CNDP2: variants seen among roughly 807,000 people sequenced by gnomAD.
CNDP2 encodes the protein carnosine dipeptidase 2.
CNDP2 carries 38 observed loss-of-function variants against 55.0 expected under a neutral mutation model. The observed-to-expected ratio is 0.69, with a 90% CI of 0.53 to 0.90. The LOEUF (loss-of-function observed/expected upper bound fraction) is 0.90. Among genes scored for constraint, CNDP2 ranks in the 40% least tolerant of loss-of-function variants. The probability of loss-of-function intolerance (pLI) is 0.00; values close to 1 mark genes in which losing one functional copy is unlikely to be tolerated. For synonymous variants in CNDP2, 241 were observed against 260.2 expected, an observed-to-expected ratio of 0.93 and a Z score of 0.71; for missense variants, 607 against 621.7, an observed-to-expected ratio of 0.98 and a Z score of 0.25.
intron 4 of CNDP2, 155 bp from the exon 5 acceptor site, chr18:74,508,685 C>T (rs1488931080): frequency 3.0e-5 from 18 of 604,362 alleles, no homozygotes; most frequent in Admixed American, 1.7e-4. Context: ...ACAAATTTAA[C>T]GATAGTGTTG....
In CNDP2 at chr18:74,512,527, T is replaced by G; in HGVS notation, c.737T>G (p.Leu246Arg). 6.2e-7 allele frequency: 1 copy of G among 1,613,828 alleles called. No individual in the cohort carries two copies. Among genetic ancestry groups the G allele is most frequent in the Non-Finnish European group, 8.5e-7 (1 of 1,179,826 alleles). The change falls in exon 7 of 12, where the codon CTG (leucine) becomes CGG (arginine). Residue 246 changes from leucine to arginine, a missense_variant. Transcript: ENST00000324262. Reference sequence around the variant, plus strand: ...GAGGCCATGACTGATCTCATTTTGCTGATGGGTAAGTGCGGGATGGCATTC... The same window carrying G: ...GAGGCCATGACTGATCTCATTTTGCGGATGGGTAAGTGCGGGATGGCATTC... ...VHEAMTDLIL[L>R]MGSLVDKRGN...
intron 8 of CNDP2, 91 bp from the exon 9 acceptor site, chr18:74,516,137 A>G (rs1979650367): frequency 1.4e-6 from 2 of 1,411,340 alleles, no homozygotes; most frequent in African/African-American, 1.4e-5. Context: ...CATACCGCTC[A>G]TTTCCCAGAC....
intron 11 of CNDP2, 34 bp from the exon 12 acceptor site, chr18:74,519,965 C>CCAGCACAACACACGA (rs1241505844): frequency 6.3e-7 from 1 of 1,596,586 alleles, no homozygotes; most frequent in Non-Finnish European, 8.6e-7. Context: ...GCTCACGACA[C>CCAGCACAACACACGA]CAGCCAACAC....
chr18:74,513,531 T>A, intron 7 of CNDP2, 28 bp from the exon 8 acceptor site: 1 of 1,596,330 alleles, frequency 6.3e-7, no homozygotes, highest in Non-Finnish European at 8.5e-7. Flanking sequence ...CTCCCCTGAG[T>A]GCTGTAACCC....
chr18:74,503,076 T>TTTTG (rs1555703167), intron 3 of CNDP2, among the ~76,000 whole-genome samples: 2 of 121,588 alleles, frequency 1.6e-5, no homozygotes, highest in African/African-American at 4.2e-5. Context: ...CCCTTTCGTT[T>TTTTG]TTTTTTTTTT....
intron 8 of CNDP2, among the ~76,000 whole-genome samples, chr18:74,514,509 ACG>A (rs1979542731): frequency 7.7e-5 from 11 of 142,084 alleles, no homozygotes; most frequent in Admixed American, 1.4e-4. Context: ...CTGTGGGCTT[ACG>A]TGGTACGTAT....
At chr18:74,505,727 T>A (rs549971197) in intron 3 of CNDP2, 122 bp from the exon 4 acceptor site, 1 of 1,078,120 alleles carries the variant, frequency 9.3e-7, no homozygotes, top group Non-Finnish European at 1.3e-6. Flanking sequence ...TCTTAAACTC[T>A]ACAATAGAGG....
intron 7 of CNDP2, 73 bp downstream of exon 7, chr18:74,512,605 C>G: frequency 7.6e-7 from 1 of 1,316,588 alleles, no homozygotes; most frequent in South Asian, 1.2e-5. Flanking sequence ...TGTCTGTCAT[C>G]AGCATTGGGT....
At chr18:74,518,270 TAAAAAA>T in intron 9 of CNDP2, 1 of 396,254 alleles carries the variant, frequency 2.5e-6, no homozygotes, top group Non-Finnish European at 4.6e-6. Context: ...TCAGAAAAAA[TAAAAAA>T]TAAAAAAAGA....
At chr18:74,503,948 G>C (rs1978860309) in intron 3 of CNDP2, among the ~76,000 whole-genome samples, 2 of 151,536 alleles carry the variant, frequency 1.3e-5, no homozygotes, top group African/African-American at 4.8e-5. Flanking sequence ...GGGGCGTCAG[G>C]CCATACACTG....
chr18:74,499,628 C>A, intron 1 of CNDP2: 1 of 269,964 alleles, frequency 3.7e-6, no homozygotes, highest in South Asian at 1.2e-4. Context: ...CTAAAAGTGC[C>A]TACTTTTAGT....
At position 74,496,422 on chromosome 18, in the gene CNDP2, T is replaced by G. The variant is rs1403254254; in HGVS notation, c.-102T>G. ...TAACAGGGCCTTGCCTAGTGGGCCT[T>G]CCTTCCCAGGTGGGTCTTCCTGATG... On this transcript the variant is annotated 5_prime_UTR_variant, in exon 1 of 12. Transcript: ENST00000324262. 5 of 152,322 alleles carry G rather than the reference T, an allele frequency of 3.3e-5. No homozygotes were observed. The highest frequency in any genetic ancestry group is 5.9e-5 in the Non-Finnish European group (4 of 68,166). The allele number at this position is 152,322 out of a possible 1,614,324, so 9.4% of individuals were successfully genotyped here.
At chr18:74,501,576 C>G in intron 3 of CNDP2, 104 bp downstream of exon 3, 1 of 1,409,690 alleles carries the variant, frequency 7.1e-7, no homozygotes, top group Non-Finnish European at 9.6e-7. Context: ...TCACATACCC[C>G]ACTCACCTTT....
Position 74,516,241 on chromosome 18 carries a change from T to C in CNDP2, c.917T>C (p.Met306Thr). The stretch of plus-strand genomic sequence containing the variant: ...ATTTTTCTGCAGAAAGACATCCTCA[T>C]GCACCGATGGCGGTACCCGTCTCTG... ...LLHSHKKDILMHRWRYPSLSL... is the reference protein window; with the variant it reads ...LLHSHKKDILTHRWRYPSLSL... Residue 306 changes from methionine (M) to threonine (T), a missense_variant, in exon 9 of 12, where the codon ATG becomes ACG. Transcript: ENST00000324262. 6.2e-7 allele frequency: 1 copy of C among 1,613,008 alleles called. No homozygotes were observed. Among genetic ancestry groups the C allele is most frequent in the Non-Finnish European group, 8.5e-7 (1 of 1,179,352 alleles).
intron 3 of CNDP2, 98 bp downstream of exon 3, chr18:74,501,570 A>G: frequency 6.9e-7 from 1 of 1,440,040 alleles, no homozygotes; most frequent in South Asian, 1.4e-5. Flanking sequence ...TTTGCTTCAC[A>G]TACCCCACTC....
intron 1 of CNDP2, among the ~76,000 whole-genome samples, chr18:74,497,272 T>C (rs933680836): frequency 6.6e-6 from 1 of 152,154 alleles, no homozygotes; most frequent in Non-Finnish European, 1.5e-5. Context: ...ACATTATGCT[T>C]AGGGATCAAG....
chr18:74,518,656 T>C lies in CNDP2; in HGVS notation c.1210+16T>C, dbSNP rs1193494905. 2 of 1,613,836 alleles carry C rather than the reference T, an allele frequency of 1.2e-6. No individual in the cohort carries two copies. Among genetic ancestry groups the C allele is most frequent in the South Asian group, 1.1e-5 (1 of 91,070 alleles). On this transcript the variant is annotated intron_variant, in intron 10 of 11. Transcript: ENST00000324262. ...ATGAAGACAGGTTGGACGCTCTCCT[T>C]GTGGATGATGCCGCGCAGGGCCCTT...
At chr18:74,508,791 T>G in intron 4 of CNDP2, 49 bp from the exon 5 acceptor site, 1 of 1,504,122 alleles carries the variant, frequency 6.6e-7, no homozygotes, top group Non-Finnish European at 9.3e-7. Flanking sequence ...ACGCTGCTTC[T>G]GGGTTCCTTG....
In CNDP2 at chr18:74,501,434, G is replaced by C. The variant is rs149943837; in HGVS notation, c.166G>C (p.Gly56Arg). Residue 56 changes from glycine to arginine, a missense_variant, in exon 3 of 12, where the codon GGG becomes CGG. Gly to Arg is a moderately radical substitution (Grantham distance 125). Coordinates refer to ENST00000324262, the MANE Select transcript of CNDP2 (RefSeq NM_018235.3). ...EVAAADVKQL[G>R]GSVELVDIGK... ...TGCTGCTGCAGATGTTAAGCAGTTGGGGGGCTCTGTGGAACTGGTGGATAT... is the reference window on the plus strand; with the variant it reads ...TGCTGCTGCAGATGTTAAGCAGTTGCGGGGCTCTGTGGAACTGGTGGATAT... 8.1e-6 allele frequency: 13 copies of C among 1,614,086 alleles called. No homozygotes were observed. Among genetic ancestry groups the C allele is most frequent in the Middle Eastern group, 3.3e-4 (2 of 6,062 alleles).
Sources: gnomAD v4.1 joint callset for allele counts (sites outside exome capture counted in the v4.1 genomes callset) on GRCh38, gnomAD v4.1.1 for gene constraint, MANE v1.5 for transcripts, NCBI Gene and HGNC (gene_info 2026-07-23, HGNC 2026-07-21) for gene names.